The following NTRK3 variants were observed in gnomAD, a reference collection of about 807,000 sequenced individuals.
NTRK3 encodes the protein NT-3 growth factor receptor.
In NTRK3, 24 loss-of-function variants were observed where a neutral mutation model predicts 91.7. The observed-to-expected ratio is 0.26, with a 90% CI of 0.19 to 0.37. The LOEUF (loss-of-function observed/expected upper bound fraction) is 0.37. NTRK3 is among the 10% of genes least tolerant of loss of function. The probability of loss-of-function intolerance (pLI) is 1.00; values close to 1 mark genes in which losing one functional copy is unlikely to be tolerated. For synonymous variants in NTRK3, 483 were observed against 404.0 expected, an observed-to-expected ratio of 1.20 and a Z score of -2.34; for missense variants, 880 against 1,068.9, an observed-to-expected ratio of 0.82 and a Z score of 2.46.
chr15:88,106,551 C>T (rs982494153), intron 13 of NTRK3, among the ~76,000 whole-genome samples: 1 of 152,104 alleles, frequency 6.6e-6, no homozygotes, highest in East Asian at 1.9e-4. Context: ...CGGAAGGATG[C>T]TTAAGAAAGA....
At chr15:87,975,528 G>T (rs1436316242) in intron 14 of NTRK3, among the ~76,000 whole-genome samples, 1 of 152,204 alleles carries the variant, frequency 6.6e-6, no homozygotes, top group Non-Finnish European at 1.5e-5. Context: ...GGACTGGCTG[G>T]TTCCCTGAGC....
At chr15:88,184,914 C>T (rs528012592) in intron 3 of NTRK3, among the ~76,000 whole-genome samples, 2 of 152,272 alleles carry the variant, frequency 1.3e-5, no homozygotes, top group Admixed American at 6.5e-5. Flanking sequence ...GAGTGGGGGC[C>T]ACCTAAGGAT....
At chr15:87,886,674 TG>T (rs1567070821) in intron 17 of NTRK3, among the ~76,000 whole-genome samples, 2 of 35,042 alleles carry the variant, frequency 5.7e-5, no homozygotes, top group Non-Finnish European at 1.5e-4. Context: ...TCCCACTTTT[TG>T]CTATATATAT....
intron 13 of NTRK3, among the ~76,000 whole-genome samples, chr15:88,043,313 G>T (rs1299123410): frequency 6.6e-6 from 1 of 152,158 alleles, no homozygotes; most frequent in Non-Finnish European, 1.5e-5. Context: ...CAAAATGCTG[G>T]GTTTTTGGCC....
In NTRK3 at chr15:88,191,221, GC is replaced by G. The variant is rs757102233; in HGVS notation, c.249-6923del. Among the ~76,000 whole-genome samples the G allele has an allele frequency of 1.1e-4, 16 of 148,350 alleles. 1 individual carries two copies. The highest frequency in any genetic ancestry group is 3.8e-4 in the African/African-American group (15 of 39,082). On this transcript the variant is annotated intron_variant, in intron 3 of 18. Coordinates refer to ENST00000394480, the Ensembl canonical transcript of NTRK3. The stretch of plus-strand genomic sequence containing the variant: ...GTGTGTGTGTGTGTCTTAACACAGA[GC>G]CTCACTGTCACCCAGGCTGGAGTGC...
chr15:88,220,899 T>G (rs1331438221), intron 3 of NTRK3, among the ~76,000 whole-genome samples: 2 of 152,204 alleles, frequency 1.3e-5, no homozygotes, highest in African/African-American at 4.8e-5. Context: ...AAACCCTGGA[T>G]GCCTCTGAAC....
At chr15:88,109,409 A>C (rs1245428810) in intron 13 of NTRK3, among the ~76,000 whole-genome samples, 1 of 152,216 alleles carries the variant, frequency 6.6e-6, no homozygotes, top group Non-Finnish European at 1.5e-5. Context: ...GACATTAAGC[A>C]AGGAGCTCGT....
intron 14 of NTRK3, among the ~76,000 whole-genome samples, chr15:88,004,480 A>G (rs1385725716): frequency 6.6e-6 from 1 of 152,218 alleles, no homozygotes; most frequent in Non-Finnish European, 1.5e-5. Context: ...GGAGAGATCA[A>G]AAAGTATTCC....
chr15:87,922,301 A>G (rs919423159), intron 17 of NTRK3, among the ~76,000 whole-genome samples: 2 of 152,198 alleles, frequency 1.3e-5, no homozygotes, highest in African/African-American at 4.8e-5. Context: ...AGCTCTGGTG[A>G]CTGAGTAATC....
intron 3 of NTRK3, among the ~76,000 whole-genome samples, chr15:88,246,632 ATG>A (rs1174434115): frequency 6.6e-6 from 1 of 152,134 alleles, no homozygotes; most frequent in Non-Finnish European, 1.5e-5. Context: ...CTCTGTGCAA[ATG>A]TGCTGATCTC....
chr15:87,931,448 T>C (rs2068791617), intron 16 of NTRK3, among the ~76,000 whole-genome samples: 1 of 152,226 alleles, frequency 6.6e-6, no homozygotes, highest in Admixed American at 6.5e-5. Flanking sequence ...GCAAAACTTG[T>C]CTAAGCATTA....
At position 88,152,861 on chromosome 15, in the gene NTRK3, C is replaced by T. The variant is rs562083415; in HGVS notation, c.396-5458G>A. On this transcript the variant is annotated intron_variant, in intron 5 of 18. Coordinates refer to ENST00000394480, the Ensembl canonical transcript of NTRK3. ...ATCTGGTATCTGCCCACTTGCCCAC[C>T]CCCTGGGTGTACTCCAGCCTCCTCC... Among the ~76,000 whole-genome samples, 8 of 152,306 alleles carry T rather than the reference C, an allele frequency of 5.3e-5. No individual in the cohort carries two copies. In the South Asian group the frequency reaches 1.5e-3, roughly 28 times the overall value.
chr15:87,980,049 G>A (rs2074081571), intron 14 of NTRK3, among the ~76,000 whole-genome samples: 1 of 152,188 alleles, frequency 6.6e-6, no homozygotes, highest in Non-Finnish European at 1.5e-5. Flanking sequence ...CCACAGGTCT[G>A]TGGAAGGTTT....
chr15:87,922,927 A>T (rs1402433579), intron 17 of NTRK3, among the ~76,000 whole-genome samples: 1 of 152,170 alleles, frequency 6.6e-6, no homozygotes, highest in Non-Finnish European at 1.5e-5. Context: ...GCTTTCCTGG[A>T]GGATGAATCA....
intron 5 of NTRK3, among the ~76,000 whole-genome samples, chr15:88,175,883 C>G (rs2045945254): frequency 6.6e-6 from 1 of 152,138 alleles, no homozygotes; most frequent in Non-Finnish European, 1.5e-5. Flanking sequence ...CACATATTCT[C>G]AACTACTTAT....
chr15:87,964,241 C>A (rs2072582760), intron 14 of NTRK3, among the ~76,000 whole-genome samples: 2 of 152,046 alleles, frequency 1.3e-5, no homozygotes. Flanking sequence ...GTGCTAGGAA[C>A]AACTTGCCAA....
In NTRK3 at chr15:88,071,148, G is replaced by A. The variant is rs75211991; in HGVS notation, c.1397-38103C>T. 8.3e-3 allele frequency among the ~76,000 whole-genome samples: 1,266 copies of A among 152,316 alleles called. 15 individuals are homozygous for A. The highest frequency in any genetic ancestry group is 0.027 in the African/African-American group (1,120 of 41,566). ...TGGCAGTCATGCAGGAGGCAGCTCC[G>A]ATTAAGTCCCAGGCCCGATGAACTG... On this transcript the variant is annotated intron_variant, in intron 13 of 18. Coordinates refer to ENST00000394480, the Ensembl canonical transcript of NTRK3.
chr15:88,176,710 A>G (rs978995253), intron 5 of NTRK3, among the ~76,000 whole-genome samples: 2 of 152,140 alleles, frequency 1.3e-5, no homozygotes, highest in African/African-American at 4.8e-5. Flanking sequence ...ATCACTACCA[A>G]TCACTTGGCA....
chr15:88,122,571 G>T (rs1410784721), intron 13 of NTRK3, among the ~76,000 whole-genome samples: 1 of 152,172 alleles, frequency 6.6e-6, no homozygotes, highest in East Asian at 1.9e-4. Flanking sequence ...GCAAATATAA[G>T]ACAAAACAGT....
Sources: allele counts gnomAD v4.1 joint callset (sites outside exome capture counted in the v4.1 genomes callset), GRCh38; gene constraint gnomAD v4.1.1; transcripts MANE v1.5; gene names NCBI Gene and HGNC (gene_info 2026-07-23, HGNC 2026-07-21).